The following SPOCK3 variants were observed in gnomAD, a reference collection of about 807,000 sequenced individuals.
The protein encoded by SPOCK3 is testican-3.
Under a neutral mutation model 56.6 loss-of-function variants are expected in SPOCK3, and 30 were observed. The observed-to-expected ratio is 0.53, with a 90% CI of 0.40 to 0.72. The LOEUF (loss-of-function observed/expected upper bound fraction) is 0.72. Among genes scored for constraint, SPOCK3 ranks in the 30% least tolerant of loss-of-function variants. The pLI, the probability that SPOCK3 is intolerant of heterozygous loss-of-function variation, is 0.00. For synonymous variants in SPOCK3, 196 were observed against 183.3 expected, an observed-to-expected ratio of 1.07 and a Z score of -0.56; for missense variants, 527 against 530.0, an observed-to-expected ratio of 0.99 and a Z score of 0.06.
intron 6 of SPOCK3, among the ~76,000 whole-genome samples, chr4:166,821,929 T>A (rs1312264442): frequency 6.6e-6 from 1 of 152,114 alleles, no homozygotes; most frequent in Non-Finnish European, 1.5e-5. Flanking sequence ...TTGCATGTGT[T>A]ATTGTTTATA....
intron 4 of SPOCK3, among the ~76,000 whole-genome samples, chr4:166,994,791 T>G (rs1432765161): frequency 6.6e-6 from 1 of 152,130 alleles, no homozygotes; most frequent in Non-Finnish European, 1.5e-5. Flanking sequence ...AGTAGTTGAA[T>G]TTTCTGATTA....
At chr4:167,151,596 G>A (rs1364644606) in intron 2 of SPOCK3, among the ~76,000 whole-genome samples, 1 of 151,808 alleles carries the variant, frequency 6.6e-6, no homozygotes, top group Non-Finnish European at 1.5e-5. Context: ...CACCACGCCT[G>A]GCTAATTTTT....
At chr4:167,016,863 G>A (rs1460797893) in intron 3 of SPOCK3, among the ~76,000 whole-genome samples, 1 of 152,018 alleles carries the variant, frequency 6.6e-6, no homozygotes, top group East Asian at 1.9e-4. Context: ...ACTTTGAGAT[G>A]CAAAGCTTTG....
Position 167,164,825 on chromosome 4 carries a change from T to C in SPOCK3, c.189+69160A>G, listed in dbSNP as rs186159779. Among the ~76,000 whole-genome samples the C allele has an allele frequency of 2.2e-4, 33 of 152,258 alleles. No homozygotes were observed. The East Asian group carries it at 6.2e-3, about 29-fold the overall frequency. On this transcript the variant is annotated intron_variant, in intron 2 of 10. Coordinates refer to ENST00000357545, the MANE Select transcript of SPOCK3 (RefSeq NM_001040159.2). ...TGGTGTATATGTGCCACATTTTCTG[T>C]ATCCAGTCTATCATTGATGGGCATT...
At chr4:166,943,430 A>C (rs1376068619) in intron 4 of SPOCK3, among the ~76,000 whole-genome samples, 1 of 152,236 alleles carries the variant, frequency 6.6e-6, no homozygotes, top group Non-Finnish European at 1.5e-5. Context: ...GAGACATAAT[A>C]GTAAAAAGTC....
chr4:166,874,156 A>G (rs1454952022), intron 6 of SPOCK3, among the ~76,000 whole-genome samples: 2 of 152,110 alleles, frequency 1.3e-5, no homozygotes, highest in Non-Finnish European at 2.9e-5. Flanking sequence ...GTTTGCTACT[A>G]TCCTCTTTAT....
chr4:167,172,313 C>T (rs960575857), intron 2 of SPOCK3, among the ~76,000 whole-genome samples: 1 of 152,208 alleles, frequency 6.6e-6, no homozygotes, highest in Non-Finnish European at 1.5e-5. Context: ...TCTCTTTACA[C>T]TGGGACTATA....
At chr4:167,104,284 T>C (rs976077267) in intron 2 of SPOCK3, among the ~76,000 whole-genome samples, 1 of 152,166 alleles carries the variant, frequency 6.6e-6, no homozygotes, top group African/African-American at 2.4e-5. Flanking sequence ...ATGTGACATT[T>C]CTGACAGAGA....
chr4:166,790,092 G>C (rs1397042538), intron 7 of SPOCK3, among the ~76,000 whole-genome samples: 2 of 151,988 alleles, frequency 1.3e-5, no homozygotes, highest in African/African-American at 4.8e-5. Flanking sequence ...TTGCTTCTTT[G>C]CTTCATTCAT....
intron 2 of SPOCK3, among the ~76,000 whole-genome samples, chr4:167,121,005 A>G (rs1206611398): frequency 6.6e-6 from 1 of 151,758 alleles, no homozygotes; most frequent in Non-Finnish European, 1.5e-5. Context: ...GATTACTAGT[A>G]CTCCTTATCA....
chr4:166,838,273 C>A (rs1443841151), intron 6 of SPOCK3, among the ~76,000 whole-genome samples: 1 of 152,070 alleles, frequency 6.6e-6, no homozygotes, highest in African/African-American at 2.4e-5. Flanking sequence ...ACTTGGTTTT[C>A]CTTTTCTGTC....
At chr4:167,113,090 A>T (rs1421134797) in intron 2 of SPOCK3, among the ~76,000 whole-genome samples, 1 of 152,106 alleles carries the variant, frequency 6.6e-6, no homozygotes, top group Non-Finnish European at 1.5e-5. Context: ...TCAAGAGAAG[A>T]AGTGCAAATC....
rs185032492 is a variant in SPOCK3, at chr4:167,178,767, G to T, written c.189+55218C>A. ...GGAATTCGTACAATTTAAGAAAGGG[G>T]ATAAAAACCATGATTTCATAAAAAT... On this transcript the variant is annotated intron_variant, in intron 2 of 10. Transcript: ENST00000357545. 9.1e-3 allele frequency among the ~76,000 whole-genome samples: 1,377 copies of T among 151,634 alleles called. 19 individuals carry two copies. The highest frequency in any genetic ancestry group is 0.027 in the African/African-American group (1,116 of 41,352).
chr4:166,858,158 C>T (rs545256673), intron 6 of SPOCK3, among the ~76,000 whole-genome samples: 1 of 152,300 alleles, frequency 6.6e-6, no homozygotes, highest in African/African-American at 2.4e-5. Flanking sequence ...CCATTATACT[C>T]ACTGACCATT....
At chr4:166,864,005 C>T (rs1241265074) in intron 6 of SPOCK3, among the ~76,000 whole-genome samples, 2 of 152,162 alleles carry the variant, frequency 1.3e-5, no homozygotes, top group East Asian at 1.9e-4. Flanking sequence ...CCACACAGCA[C>T]ATATTCTAAA....
intron 7 of SPOCK3, among the ~76,000 whole-genome samples, chr4:166,761,458 C>T (rs1202240600): frequency 2.3e-4 from 2 of 8,648 alleles, no homozygotes; most frequent in East Asian, 2.5e-3. Flanking sequence ...ATGTTTATTG[C>T]GGCACTATTC....
chr4:166,867,130 GCA>G (rs892766155), intron 6 of SPOCK3, among the ~76,000 whole-genome samples: 6 of 152,018 alleles, frequency 3.9e-5, no homozygotes, highest in African/African-American at 1.4e-4. Context: ...TCATTTTAAT[GCA>G]CAGTTTGCAG....
intron 2 of SPOCK3, among the ~76,000 whole-genome samples, chr4:167,216,090 C>A (rs1445950093): frequency 6.6e-6 from 1 of 152,122 alleles, no homozygotes; most frequent in Admixed American, 6.6e-5. Flanking sequence ...CTGTGTCTCA[C>A]TTCAGACTTC....
chr4:166,920,998 T>C (rs1008914277), intron 4 of SPOCK3, among the ~76,000 whole-genome samples: 2 of 152,134 alleles, frequency 1.3e-5, no homozygotes. Context: ...CCTGTCTTTG[T>C]GGAAGTCATT....
Sources: gnomAD v4.1 joint callset for allele counts (sites outside exome capture counted in the v4.1 genomes callset) on GRCh38, gnomAD v4.1.1 for gene constraint, MANE v1.5 for transcripts, NCBI Gene and HGNC (gene_info 2026-07-23, HGNC 2026-07-21) for gene names.